Variants in SORCS2 observed in about 807,000 individuals in gnomAD.
The protein encoded by SORCS2 is sortilin related VPS10 domain containing receptor 2.
SORCS2 carries 100 observed loss-of-function variants against 141.6 expected under a neutral mutation model. The observed-to-expected ratio is 0.71, with a 90% confidence interval of 0.60 to 0.83. The LOEUF (loss-of-function observed/expected upper bound fraction) is 0.83, where lower values mean the gene tolerates loss of function less well. Among genes scored for constraint, SORCS2 ranks in the 40% least tolerant of loss-of-function variants. The probability of loss-of-function intolerance (pLI) is 0.00; values close to 1 mark genes in which losing one functional copy is unlikely to be tolerated. For missense variants in SORCS2, 1,646 were observed against 1,560.2 expected, an observed-to-expected ratio of 1.05 and a Z score of -0.93; for synonymous variants, 789 against 676.9, an observed-to-expected ratio of 1.17 and a Z score of -2.57.
At chr4:7,384,630 C>A (rs761076935) in intron 1 of SORCS2, among the ~76,000 whole-genome samples, 39 of 152,234 alleles carry the variant, frequency 2.6e-4, no homozygotes, top group Non-Finnish European at 4.4e-5. Context: ...CCCAGCTGAA[C>A]GTCCGGCTCC....
At chr4:7,505,115 G>A (rs1002356216) in intron 2 of SORCS2, among the ~76,000 whole-genome samples, 5 of 152,196 alleles carry the variant, frequency 3.3e-5, no homozygotes, top group Non-Finnish European at 5.9e-5. Flanking sequence ...AGTCAAATGT[G>A]CTAAGAAAGC....
At chr4:7,602,123 C>T (rs996340670) in intron 3 of SORCS2, among the ~76,000 whole-genome samples, 2 of 152,280 alleles carry the variant, frequency 1.3e-5, no homozygotes, top group Admixed American at 6.5e-5. Flanking sequence ...CCACACTTCC[C>T]CCACTTCCAC....
chr4:7,453,218 G>C (rs1471793335), intron 2 of SORCS2, among the ~76,000 whole-genome samples: 1 of 138,710 alleles, frequency 7.2e-6, no homozygotes, highest in African/African-American at 2.8e-5. Flanking sequence ...CAGGCGCTGT[G>C]TTGGGGTTAG....
chr4:7,549,848 T>G (rs551197820), intron 3 of SORCS2, among the ~76,000 whole-genome samples: 12 of 152,246 alleles, frequency 7.9e-5, no homozygotes, highest in African/African-American at 2.9e-4. Context: ...CATATAACAG[T>G]ACCAGTGAAT....
chr4:7,458,143 A>C (rs968077932), intron 2 of SORCS2, among the ~76,000 whole-genome samples: 3 of 152,086 alleles, frequency 2.0e-5, no homozygotes, highest in African/African-American at 7.2e-5. Flanking sequence ...TTCCGGAAAG[A>C]GGGAAGATCT....
At chr4:7,220,565 T>C (rs1266335630) in intron 1 of SORCS2, among the ~76,000 whole-genome samples, 1 of 151,998 alleles carries the variant, frequency 6.6e-6, no homozygotes, top group African/African-American at 2.4e-5. Context: ...CTAGTAAGCA[T>C]TGGTTTAGAT....
intron 2 of SORCS2, among the ~76,000 whole-genome samples, chr4:7,516,886 G>A (rs1733018766): frequency 6.6e-6 from 1 of 152,196 alleles, no homozygotes; most frequent in Non-Finnish European, 1.5e-5. Flanking sequence ...AGTTGGGGCC[G>A]CATGTTGTGA....
At chr4:7,739,097 C>T (rs1365563431) in intron 26 of SORCS2, among the ~76,000 whole-genome samples, 1 of 152,198 alleles carries the variant, frequency 6.6e-6, no homozygotes, top group African/African-American at 2.4e-5. Context: ...GACATTGCGC[C>T]CACTGCACAG....
At chr4:7,586,111 A>G (rs1716517534) in intron 3 of SORCS2, among the ~76,000 whole-genome samples, 1 of 152,040 alleles carries the variant, frequency 6.6e-6, no homozygotes, top group Non-Finnish European at 1.5e-5. Context: ...CTCTGTTCCA[A>G]TTGTTCTGGC....
At chr4:7,354,826 C>A (rs1721151709) in intron 1 of SORCS2, among the ~76,000 whole-genome samples, 1 of 152,190 alleles carries the variant, frequency 6.6e-6, no homozygotes, top group Non-Finnish European at 1.5e-5. Flanking sequence ...AAGTGAAACC[C>A]AGACTTGACA....
intron 2 of SORCS2, among the ~76,000 whole-genome samples, chr4:7,467,256 C>G (rs986026345): frequency 2.8e-4 from 43 of 152,322 alleles, no homozygotes; most frequent in Non-Finnish European, 5.9e-4. Flanking sequence ...CCACAGCCCC[C>G]ACGCTGCTGC....
chr4:7,557,479 G>C (rs1306016525), intron 3 of SORCS2, among the ~76,000 whole-genome samples: 1 of 152,216 alleles, frequency 6.6e-6, no homozygotes, highest in Admixed American at 6.5e-5. Flanking sequence ...AAATGTCCTA[G>C]CCACGCAAGG....
At chr4:7,726,979 G>T in intron 21 of SORCS2, 76 bp downstream of exon 21, 5 of 1,518,542 alleles carry the variant, frequency 3.3e-6, no homozygotes, top group Non-Finnish European at 4.4e-6. Flanking sequence ...CACATGGGTC[G>T]CGTAAGCCAT....
chr4:7,334,038 C>G (rs372936819), intron 1 of SORCS2, among the ~76,000 whole-genome samples: 8 of 152,204 alleles, frequency 5.3e-5, no homozygotes, highest in Admixed American at 3.9e-4. Context: ...CTCACAGCTT[C>G]CTGAGGCTCC....
Position 7,279,414 on chromosome 4 carries a change from C to T in SORCS2, c.480+86288C>T, listed in dbSNP as rs111365072. ...AAAGTAAACCAGTTGCTCAGGAGAG[C>T]CTTCCTGAACCGGATGGTGATGTCA... On this transcript the variant is annotated intron_variant, in intron 1 of 26. Coordinates refer to ENST00000507866, the MANE Select transcript of SORCS2 (RefSeq NM_020777.3). Among the ~76,000 whole-genome samples the T allele has an allele frequency of 1.9e-3, 297 of 152,324 alleles. 8 individuals are homozygous for T. In the South Asian group the frequency reaches 0.035, roughly 18 times the overall value.
chr4:7,573,929 C>T (rs946086683), intron 3 of SORCS2, among the ~76,000 whole-genome samples: 5 of 152,224 alleles, frequency 3.3e-5, no homozygotes, highest in South Asian at 2.1e-4. Flanking sequence ...CAGGCCCATT[C>T]CTGCTGGCAC....
At chr4:7,702,598 G>A (rs1197729629) in intron 12 of SORCS2, among the ~76,000 whole-genome samples, 1 of 152,242 alleles carries the variant, frequency 6.6e-6, no homozygotes, top group Non-Finnish European at 1.5e-5. Flanking sequence ...TCCTGGGTAA[G>A]CCCTGTCCAG....
At chr4:7,481,478 T>G (rs560561297) in intron 2 of SORCS2, among the ~76,000 whole-genome samples, 1 of 152,134 alleles carries the variant, frequency 6.6e-6, no homozygotes, top group African/African-American at 2.4e-5. Flanking sequence ...TCTGGGGAGA[T>G]CTGGACATGT....
rs148818794 is a variant in SORCS2, at chr4:7,546,625, C to T, written c.648+14996C>T. Among the ~76,000 whole-genome samples the T allele has an allele frequency of 2.6e-5, 4 of 152,320 alleles. No individual in the cohort carries two copies. In the East Asian group the frequency reaches 7.7e-4, roughly 29 times the overall value. On this transcript the variant is annotated intron_variant, in intron 3 of 26. Transcript: ENST00000507866. Reference sequence around the variant, plus strand: ...GACCGTGACACCTGGCCCCCAAGGTCATCGAAGGTCAGAGGTGCAGCCGGT... The same window carrying T: ...GACCGTGACACCTGGCCCCCAAGGTTATCGAAGGTCAGAGGTGCAGCCGGT...
Sources: allele counts gnomAD v4.1 joint callset (sites outside exome capture counted in the v4.1 genomes callset), GRCh38; gene constraint gnomAD v4.1.1; transcripts MANE v1.5; gene names NCBI Gene and HGNC (gene_info 2026-07-23, HGNC 2026-07-21).